Variants in SUCLG2 observed in about 807,000 individuals in gnomAD.
SUCLG2 encodes the protein succinate--CoA ligase [GDP-forming] subunit beta, mitochondrial.
Under a neutral mutation model 47.9 loss-of-function variants are expected in SUCLG2, and 42 were observed. The observed-to-expected ratio is 0.88, with a 90% CI of 0.69 to 1.14. The LOEUF is 1.14. Ranked by LOEUF, SUCLG2 falls within the 50% of genes most tolerant of loss-of-function variation. The probability of loss-of-function intolerance (pLI) is 0.00; values close to 1 mark genes in which losing one functional copy is unlikely to be tolerated. For synonymous variants in SUCLG2, 195 were observed against 197.3 expected, an observed-to-expected ratio of 0.99 and a Z score of 0.10; for missense variants, 571 against 525.9, an observed-to-expected ratio of 1.09 and a Z score of -0.84.
intron 9 of SUCLG2, among the ~76,000 whole-genome samples, chr3:67,456,847 T>G (rs1704198131): frequency 6.6e-6 from 1 of 152,040 alleles, no homozygotes; most frequent in Admixed American, 6.6e-5. Flanking sequence ...AAAACATGTT[T>G]AGGGGGAAAA....
chr3:67,594,121 G>A (rs1708240355), intron 2 of SUCLG2, among the ~76,000 whole-genome samples: 1 of 152,196 alleles, frequency 6.6e-6, no homozygotes, highest in African/African-American at 2.4e-5. Flanking sequence ...CAAGCCCAGA[G>A]AGGGCCACCT....
intron 1 of SUCLG2, among the ~76,000 whole-genome samples, chr3:67,624,150 C>T (rs1428929313): frequency 6.6e-6 from 1 of 152,194 alleles, no homozygotes; most frequent in African/African-American, 2.4e-5. Context: ...TGGGATTTAC[C>T]TGATAGCAAG....
intron 9 of SUCLG2, among the ~76,000 whole-genome samples, chr3:67,475,036 C>T (rs1704713053): frequency 6.6e-6 from 1 of 151,802 alleles, no homozygotes; most frequent in Non-Finnish European, 1.5e-5. Flanking sequence ...ATCATGCTTC[C>T]CAGAAATGAA....
At chr3:67,642,448 T>TAA in intron 1 of SUCLG2, among the ~76,000 whole-genome samples, 1 of 146,114 alleles carries the variant, frequency 6.8e-6, no homozygotes, top group South Asian at 2.2e-4. Flanking sequence ...CTACAAAATT[T>TAA]AAAAAAAAAA....
intron 2 of SUCLG2, among the ~76,000 whole-genome samples, chr3:67,553,033 C>T (rs1707059449): frequency 6.6e-6 from 1 of 152,100 alleles, no homozygotes; most frequent in Non-Finnish European, 1.5e-5. Flanking sequence ...TTAAAAACAC[C>T]AGAATTCAAC....
chr3:67,460,798 G>C (rs1014212381), intron 9 of SUCLG2, among the ~76,000 whole-genome samples: 3 of 151,966 alleles, frequency 2.0e-5, no homozygotes, highest in African/African-American at 7.3e-5. Flanking sequence ...AGGCCCACTG[G>C]GAAGGAAAAA....
chr3:67,585,074 A>T (rs1348163572), intron 2 of SUCLG2, among the ~76,000 whole-genome samples: 1 of 152,182 alleles, frequency 6.6e-6, no homozygotes, highest in East Asian at 1.9e-4. Flanking sequence ...ACAATACATA[A>T]CTTAATTAGC....
Position 67,560,019 on chromosome 3 carries a change from G to C in SUCLG2, c.227-30833C>G, listed in dbSNP as rs1464344881. ...TGTACCTTCCTCTCAATTTTGTTAT[G>C]AACCTAAAACTTCTCTAAAAAATTA... is the stretch of plus-strand genomic sequence containing the variant. On this transcript the variant is annotated intron_variant, in intron 2 of 10. Coordinates refer to ENST00000307227, the MANE Select transcript of SUCLG2 (RefSeq NM_003848.4). 2.0e-5 allele frequency among the ~76,000 whole-genome samples: 3 copies of C among 152,150 alleles called. No homozygotes were observed. In the East Asian group the frequency reaches 5.8e-4, roughly 29 times the overall value.
At chr3:67,602,477 G>C (rs981863770) in intron 2 of SUCLG2, among the ~76,000 whole-genome samples, 5 of 152,096 alleles carry the variant, frequency 3.3e-5, no homozygotes, top group Non-Finnish European at 7.4e-5. Flanking sequence ...AATACCACAA[G>C]ACACTTAGGG....
intron 2 of SUCLG2, among the ~76,000 whole-genome samples, chr3:67,607,972 T>A (rs1473558044): frequency 6.6e-6 from 1 of 152,198 alleles, no homozygotes; most frequent in African/African-American, 2.4e-5. Context: ...CTCAGGTATG[T>A]CTTTATTAGT....
At chr3:67,432,851 A>G (rs1421304977) in intron 9 of SUCLG2, among the ~76,000 whole-genome samples, 3 of 152,208 alleles carry the variant, frequency 2.0e-5, no homozygotes, top group African/African-American at 4.8e-5. Flanking sequence ...AACCTTTGTT[A>G]TTTCGGTTAC....
chr3:67,385,107 T>A (rs1702234198), intron 10 of SUCLG2, among the ~76,000 whole-genome samples: 1 of 152,016 alleles, frequency 6.6e-6, no homozygotes, highest in Non-Finnish European at 1.5e-5. Context: ...GACTTTCAAG[T>A]GGAAATTGAG....
chr3:67,610,697 C>T (rs1351984375), intron 1 of SUCLG2, among the ~76,000 whole-genome samples: 1 of 152,162 alleles, frequency 6.6e-6, no homozygotes, highest in Non-Finnish European at 1.5e-5. Flanking sequence ...GATACAATCC[C>T]TACTGGCTTC....
At chr3:67,436,471 T>C (rs1443789774) in intron 9 of SUCLG2, among the ~76,000 whole-genome samples, 1 of 152,176 alleles carries the variant, frequency 6.6e-6, no homozygotes, top group Admixed American at 6.5e-5. Flanking sequence ...CTTCATTGAA[T>C]GGCATTTATA....
chr3:67,478,665 C>T (rs903136279), intron 9 of SUCLG2, among the ~76,000 whole-genome samples: 4 of 152,154 alleles, frequency 2.6e-5, no homozygotes, highest in African/African-American at 9.7e-5. Context: ...TCCAACTATT[C>T]AGGCACAGAG....
intron 1 of SUCLG2, among the ~76,000 whole-genome samples, chr3:67,643,147 T>A (rs1200582726): frequency 6.6e-6 from 1 of 152,224 alleles, no homozygotes; most frequent in African/African-American, 2.4e-5. Context: ...AACAACGTGG[T>A]CCAAAAGTAC....
intron 9 of SUCLG2, among the ~76,000 whole-genome samples, chr3:67,442,826 C>A (rs1304362276): frequency 6.6e-6 from 1 of 151,954 alleles, no homozygotes; most frequent in Non-Finnish European, 1.5e-5. Flanking sequence ...GAAATATTGC[C>A]CTGTAATTAA....
intron 1 of SUCLG2, among the ~76,000 whole-genome samples, chr3:67,640,162 C>T (rs535143888): frequency 1.2e-4 from 19 of 152,180 alleles, no homozygotes; most frequent in Non-Finnish European, 2.6e-4. Context: ...AAGACAGTAA[C>T]AATGAATTCA....
chr3:67,388,693 T>G (rs1023420170), intron 10 of SUCLG2, among the ~76,000 whole-genome samples: 26 of 152,364 alleles, frequency 1.7e-4, no homozygotes, highest in African/African-American at 6.3e-4. Flanking sequence ...CTCCTAATAA[T>G]GTGTCCCTTT....
Sources: allele counts gnomAD v4.1 joint callset (sites outside exome capture counted in the v4.1 genomes callset), GRCh38; gene constraint gnomAD v4.1.1; transcripts MANE v1.5; gene names NCBI Gene and HGNC (gene_info 2026-07-23, HGNC 2026-07-21).